Variants in MEST observed in about 807,000 individuals in gnomAD.
MEST encodes mesoderm-specific transcript homolog protein.
A neutral mutation model predicts 50.9 loss-of-function variants in MEST; 18 were observed. The ratio of observed to expected loss-of-function variants is 0.35; its 90% CI spans 0.24 to 0.52. The LOEUF is 0.52. Ranked by LOEUF, MEST falls within the 20% of genes least tolerant of loss-of-function variation. The probability of loss-of-function intolerance (pLI) is 0.94; values close to 1 mark genes in which losing one functional copy is unlikely to be tolerated. For missense variants in MEST, 282 were observed against 425.3 expected, an observed-to-expected ratio of 0.66 and a Z score of 2.96; for synonymous variants, 130 against 154.1, an observed-to-expected ratio of 0.84 and a Z score of 1.16.
intron 6 of MEST, 53 bp from the exon 7 acceptor site, chr7:130,499,819 TAAA>T: frequency 8.3e-6 from 10 of 1,202,982 alleles, no homozygotes; most frequent in Admixed American, 7.3e-5. Context: ...CCCGTCTCTA[TAAA>T]AAAAAAAAAA....
chr7:130,496,120 CG>C (rs1563022245), intron 2 of MEST: 1 of 470,050 alleles, frequency 2.1e-6, no homozygotes, highest in Non-Finnish European at 4.4e-6. Context: ...TTGTTTTGAG[CG>C]GGGGTCAAGA....
At chr7:130,490,747 C>T (rs1798772294), upstream of MEST, 2 of 152,348 alleles carry the variant, frequency 1.3e-5, no homozygotes, top group South Asian at 4.1e-4. Context: ...TCATTTATTT[C>T]GCACCCCCGG....
At chr7:130,498,067 A>G (rs1799133453) in intron 4 of MEST, 54 bp downstream of exon 4, 3 of 1,613,966 alleles carry the variant, frequency 1.9e-6, no homozygotes, top group Middle Eastern at 1.6e-4. Flanking sequence ...GACGCAGACT[A>G]TGAGGGTCAG....
chr7:130,499,995 C>G (rs1458689311), intron 7 of MEST, 80 bp downstream of exon 7: 6 of 1,122,922 alleles, frequency 5.3e-6, no homozygotes, highest in Non-Finnish European at 7.8e-6. Flanking sequence ...AGGGCCATAG[C>G]TCCTGTAACT....
chr7:130,498,749 T>C (rs1380441472), intron 6 of MEST: 3 of 540,964 alleles, frequency 5.5e-6, no homozygotes, highest in Admixed American at 3.3e-5. Flanking sequence ...TAGTCACATG[T>C]GCTTTTTCAA....
Position 130,492,247 on chromosome 7 carries a change from C to A in MEST, c.-67C>A. On this transcript the variant is annotated 5_prime_UTR_variant, in exon 1 of 12. Coordinates refer to ENST00000223215, the MANE Select transcript of MEST (RefSeq NM_002402.4). The surrounding 1 kb of genome is among the most constrained non-coding windows in gnomAD (Gnocchi z 7.6). Reference sequence around the variant, plus strand: ...GCCCCCGCTGCTGGCCAGCTCTGCACGGCTGCGGGCTCTGCGGCGCCCGGT... The same window carrying A: ...GCCCCCGCTGCTGGCCAGCTCTGCAAGGCTGCGGGCTCTGCGGCGCCCGGT... 7.8e-7 allele frequency: 1 copy of A among 1,282,750 alleles called. No homozygotes were observed. Among genetic ancestry groups the A allele is most frequent in the Non-Finnish European group, 9.9e-7 (1 of 1,011,516 alleles). The allele number at this position is 1,282,750 out of a possible 1,614,324, so 79.5% of individuals were successfully genotyped here.
Position 130,497,116 on chromosome 7 carries a change from A to G in MEST, c.182-40A>G, listed in dbSNP as rs782202038. The stretch of plus-strand genomic sequence containing the variant: ...TTAACATCTTCGAGGTTATTTTTAT[A>G]GGGATTTGGCATAATTGATTGTACT... On this transcript the variant is annotated intron_variant, in intron 2 of 11. Transcript: ENST00000223215. This position sits in a 1 kb window ranked among gnomAD's most constrained non-coding sequence, Gnocchi z 4.0. 4 of 1,521,408 alleles carry G rather than the reference A, an allele frequency of 2.6e-6. No homozygotes were observed. The highest frequency in any genetic ancestry group is 2.7e-6 in the Non-Finnish European group (3 of 1,108,396). The allele number at this position is 1,521,408 out of a possible 1,614,324, so 94.2% of individuals were successfully genotyped here.
chr7:130,495,973 A>G (rs1554436845), intron 2 of MEST: 2 of 389,990 alleles, frequency 5.1e-6, no homozygotes, highest in East Asian at 1.6e-4. Flanking sequence ...ACCACTACTT[A>G]TCAAGTAATT....
chr7:130,491,726 G>A (rs1476912896), upstream of MEST, among the ~76,000 whole-genome samples: 2 of 152,080 alleles, frequency 1.3e-5, no homozygotes, highest in Admixed American at 6.6e-5. The surrounding 1 kb of genome is among the most constrained non-coding windows in gnomAD (Gnocchi z 6.8). Context: ...GTTTGTGGGC[G>A]GCCTGTGGGG....
Position 130,497,358 on chromosome 7 carries a change from A to AC in MEST, c.261+125dup. 1 of 684,174 alleles carries AC rather than the reference A, an allele frequency of 1.5e-6. No individual in the cohort carries two copies. Among genetic ancestry groups the AC allele is most frequent in the South Asian group, 2.0e-5 (1 of 48,980 alleles). The allele number at this position is 684,174 out of a possible 1,614,324, so 42.4% of individuals were successfully genotyped here. ...GATGACCTGAGGTCAGGAGTTTGAG[A>AC]CCAGCCAGGCCAACATGGCAAAACC... On this transcript the variant is annotated intron_variant, in intron 3 of 11. Transcript: ENST00000223215. This position sits in a 1 kb window ranked among gnomAD's most constrained non-coding sequence, Gnocchi z 4.0.
chr7:130,502,777 G>C, intron 10 of MEST, 57 bp downstream of exon 10: 1 of 1,274,650 alleles, frequency 7.8e-7, no homozygotes, highest in African/African-American at 1.5e-5. Context: ...TAAAGTAATC[G>C]CAACTCCTTT....
At chr7:130,490,417 A>C (rs930976056), upstream of MEST, among the ~76,000 whole-genome samples, 1 of 152,154 alleles carries the variant, frequency 6.6e-6, no homozygotes, top group Non-Finnish European at 1.5e-5. Flanking sequence ...CTCTCTGGTA[A>C]ATGTCTATTC....
upstream of MEST, among the ~76,000 whole-genome samples, chr7:130,490,561 A>G (rs1798764454): frequency 6.6e-6 from 1 of 152,166 alleles, no homozygotes; most frequent in South Asian, 2.1e-4. Flanking sequence ...CTCTGGGGCT[A>G]CAAAAGGTGA....
Position 130,497,902 on chromosome 7 carries a change from G to C in MEST, c.262-34G>C. 6.2e-7 allele frequency: 1 copy of C among 1,602,906 alleles called. No homozygotes were observed. The highest frequency in any genetic ancestry group is 1.1e-5 in the South Asian group (1 of 90,848). Reference sequence around the variant, plus strand: ...GGTCTGGTGAAAGGGAGGGGCAGGAGCAGAAAGCCCAAATCATCGTTTCTT... The same window carrying C: ...GGTCTGGTGAAAGGGAGGGGCAGGACCAGAAAGCCCAAATCATCGTTTCTT... On this transcript the variant is annotated intron_variant, in intron 3 of 11. Transcript: ENST00000223215. The surrounding 1 kb of genome is among the most constrained non-coding windows in gnomAD (Gnocchi z 4.0).
chr7:130,504,101 C>G (rs1799381817), intron 11 of MEST, 105 bp downstream of exon 11: 1 of 815,712 alleles, frequency 1.2e-6, no homozygotes, highest in Non-Finnish European at 2.0e-6. Context: ...TGTCTTTAAC[C>G]TCGCTGGCTG....
Position 130,505,206 on chromosome 7 carries a change from G to C in MEST, c.*150G>C, listed in dbSNP as rs1311882636. The C allele has an allele frequency of 6.3e-6, 4 of 636,340 alleles. No homozygotes were observed. Among genetic ancestry groups the C allele is most frequent in the Admixed American group, 2.3e-5 (1 of 43,026 alleles). 39.4% of individuals were successfully genotyped at this position (636,340 alleles called of 1,614,324 possible). On this transcript the variant is annotated 3_prime_UTR_variant, in exon 12 of 12. Coordinates refer to ENST00000223215, the MANE Select transcript of MEST (RefSeq NM_002402.4). ...TACTCAAATTGGTGAACAGTGTATA[G>C]GAAGAAGCCAGCAGGAGCTCTGACT... is the stretch of plus-strand genomic sequence containing the variant.
chr7:130,502,310 G>A (rs782732122), intron 9 of MEST, among the ~76,000 whole-genome samples: 1 of 152,192 alleles, frequency 6.6e-6, no homozygotes, highest in Admixed American at 6.5e-5. Flanking sequence ...GTAGGTAGTG[G>A]TGGAGCCTAA....
rs1554438270 is a variant in MEST, at chr7:130,500,501, C to A, written c.616C>A (p.Arg206=). The change falls in exon 8 of 12, where the codon CGA becomes AGA. Residue 206 remains arginine, a synonymous_variant. Transcript: ENST00000223215. The surrounding 1 kb of genome is among the most constrained non-coding windows in gnomAD (Gnocchi z 5.0). ...DGGVLSPILT[R]LMNFFVFSRG... is the part of the protein sequence containing the mutation. ...AGGTGTGCTGTCACCCATCCTCACA[C>A]GACTGATGAACTTCTTTGTATTCTC... 2 of 1,613,826 alleles carry A rather than the reference C, an allele frequency of 1.2e-6. No individual in the cohort carries two copies. Among genetic ancestry groups the A allele is most frequent in the South Asian group, 1.1e-5 (1 of 90,948 alleles).
Position 130,502,526 on chromosome 7 carries a change from T to C in MEST, c.750-118T>C, listed in dbSNP as rs1799313096. ...TTAAGTGGGACATTTCCAGGAATGC[T>C]AAACTGCTTCTGGATTAAGAAATTG... On this transcript the variant is annotated intron_variant, in intron 9 of 11. Coordinates refer to ENST00000223215, the MANE Select transcript of MEST (RefSeq NM_002402.4). 5.3e-6 allele frequency: 4 copies of C among 748,538 alleles called. No individual in the cohort carries two copies. The East Asian group carries it at 7.6e-5, about 14-fold the overall frequency. The allele number at this position is 748,538 out of a possible 1,614,324, so 46.4% of individuals were successfully genotyped here. A position where few individuals can be genotyped will look rare whatever the true frequency, so the allele number is the denominator to read the frequency against.
Sources: allele counts gnomAD v4.1 joint callset (sites outside exome capture counted in the v4.1 genomes callset), GRCh38; gene constraint gnomAD v4.1.1; non-coding constraint Gnocchi (gnomAD v3.1); transcripts MANE v1.5; gene names NCBI Gene and HGNC (gene_info 2026-07-23, HGNC 2026-07-21).